OR7C1: variants seen among roughly 807,000 people sequenced by gnomAD.
OR7C1 encodes the protein olfactory receptor 7C1.
For missense variants in OR7C1, 324 were observed against 383.3 expected, an observed-to-expected ratio of 0.85 and a Z score of 1.29; for synonymous variants, 152 against 160.7, an observed-to-expected ratio of 0.95 and a Z score of 0.41.
chr19:14,821,426 C>G (rs2044740701), intron 1 of OR7C1: 1 of 152,172 alleles, frequency 6.6e-6, no homozygotes, highest in South Asian at 2.1e-4. Context: ...TACCTGTTCT[C>G]CCAACAGTGT....
chr19:14,834,197 G>A (rs2044861959), intron 1 of OR7C1, among the ~76,000 whole-genome samples: 2 of 152,180 alleles, frequency 1.3e-5, no homozygotes, highest in African/African-American at 4.8e-5. Flanking sequence ...AGGAGGTTGA[G>A]GCAGCAGTGA....
At chr19:14,818,886 C>A (rs2044728639) in intron 1 of OR7C1, among the ~76,000 whole-genome samples, 1 of 152,118 alleles carries the variant, frequency 6.6e-6, no homozygotes, top group African/African-American at 2.4e-5. Context: ...ATATGTATTT[C>A]CACCTTATTT....
At chr19:14,818,200 C>G (rs1481039886) in intron 1 of OR7C1, among the ~76,000 whole-genome samples, 1 of 151,948 alleles carries the variant, frequency 6.6e-6, no homozygotes, top group East Asian at 1.9e-4. Flanking sequence ...TCACGGCGTT[C>G]TCTTGCCTCA....
intron 1 of OR7C1, among the ~76,000 whole-genome samples, chr19:14,814,629 T>C (rs1253831496): frequency 6.6e-6 from 1 of 152,120 alleles, no homozygotes; most frequent in African/African-American, 2.4e-5. Flanking sequence ...TTCACCATGC[T>C]GGCCAGGCTG....
chr19:14,833,585 G>A (rs1328515700), intron 1 of OR7C1, among the ~76,000 whole-genome samples: 2 of 152,238 alleles, frequency 1.3e-5, no homozygotes, highest in Non-Finnish European at 2.9e-5. Flanking sequence ...GAAGTAAGAT[G>A]ATAGGTATAT....
At chr19:14,811,171 T>C (rs1026439990) in intron 1 of OR7C1, among the ~76,000 whole-genome samples, 10 of 152,026 alleles carry the variant, frequency 6.6e-5, no homozygotes, top group African/African-American at 2.4e-4. Flanking sequence ...CTGTGGCTGC[T>C]GTCACATGTA....
intron 1 of OR7C1, among the ~76,000 whole-genome samples, chr19:14,810,815 G>A (rs1277780903): frequency 1.3e-5 from 2 of 151,866 alleles, no homozygotes; most frequent in African/African-American, 2.4e-5. Context: ...TGCAGAGTTA[G>A]CGTTTTCTTG....
chr19:14,806,403 G>T (rs1207371711), intron 2 of OR7C1, among the ~76,000 whole-genome samples: 1 of 151,928 alleles, frequency 6.6e-6, no homozygotes, highest in East Asian at 1.9e-4. Flanking sequence ...TTAAGTTCCA[G>T]GATACATGTA....
In OR7C1 at chr19:14,803,420, C is replaced by T. The variant is rs532493706; in HGVS notation, c.-434-2656G>A. 2.6e-5 allele frequency among the ~76,000 whole-genome samples: 4 copies of T among 151,510 alleles called. No homozygotes were observed. The East Asian group carries it at 5.8e-4, about 22-fold the overall frequency. The stretch of plus-strand genomic sequence containing the variant: ...TTCTATTATGCAGATGGGGTCTTTG[C>T]GGGTCGCTGCCATGTTGTCTTCTCC... On this transcript the variant is annotated intron_variant, in intron 2 of 4. Transcript: ENST00000641666.
intron 1 of OR7C1, among the ~76,000 whole-genome samples, chr19:14,814,866 C>A (rs1027907016): frequency 6.6e-6 from 1 of 152,188 alleles, no homozygotes; most frequent in Non-Finnish European, 1.5e-5. Context: ...GTTCACTACA[C>A]AACAACCAAC....
At position 14,818,058 on chromosome 19, in the gene OR7C1, TTTATTTTA is replaced by T. The variant is rs797012372; in HGVS notation, c.-622-8073_-622-8066del. Among the ~76,000 whole-genome samples the T allele has an allele frequency of 1.4e-3, 99 of 72,392 alleles. No individual in the cohort carries two copies. In the East Asian group the frequency reaches 0.017, roughly 13 times the overall value. 47.5% of individuals were successfully genotyped at this position (72,392 alleles called of 152,430 possible). A position where few individuals can be genotyped will look rare whatever the true frequency, so the allele number is the denominator to read the frequency against. On this transcript the variant is annotated intron_variant, in intron 1 of 4. Coordinates refer to ENST00000641666, the Ensembl canonical transcript of OR7C1. Reference sequence around the variant, plus strand: ...AGCAGTTAATAAGTCATACATTTTATTTATTTTATTTATTTATTTATTTATTTATTTAT... The same window carrying T: ...AGCAGTTAATAAGTCATACATTTTATTTTATTTATTTATTTATTTATTTAT...
chr19:14,806,265 G>A (rs1365847371), intron 2 of OR7C1, among the ~76,000 whole-genome samples: 3 of 151,918 alleles, frequency 2.0e-5, no homozygotes, highest in African/African-American at 7.3e-5. Context: ...TGTGTTTTTG[G>A]ATTCCTTCAA....
In OR7C1 at chr19:14,799,277, G is replaced by A. The variant is rs141580217; in HGVS notation, c.860C>T (p.Pro287Leu). The change falls in exon 5 of 5, where the codon CCC becomes CTC. Residue 287 changes from proline to leucine, a missense_variant. Physicochemically the swap from Pro to Leu is moderately conservative, Grantham distance 98. Transcript: ENST00000641666. Reference sequence around the variant, plus strand: ...CGTGTTCCTCAGGCTGTAGATGAAGGGGTTCAGCATGGGGGTGACCATGGT... The same window carrying A: ...CGTGTTCCTCAGGCTGTAGATGAAGAGGTTCAGCATGGGGGTGACCATGGT... 9.3e-6 allele frequency: 15 copies of A among 1,613,960 alleles called. No homozygotes were observed. In the African/African-American group the frequency reaches 2.0e-4, roughly 22 times the overall value.
exon 5 of OR7C1, chr19:14,799,210 T>C (rs2044626060): frequency 6.2e-7 from 1 of 1,612,618 alleles, no homozygotes; most frequent in East Asian, 2.2e-5. Context: ...CATTAAAAAA[T>C]GTTGCCCTAC....
intron 1 of OR7C1, among the ~76,000 whole-genome samples, chr19:14,828,664 CA>C (rs2044799036): frequency 7.0e-6 from 1 of 142,198 alleles, no homozygotes. Flanking sequence ...GAGGCTGAGG[CA>C]AGGAGAATCT....
chr19:14,829,743 G>A (rs2044812569), intron 1 of OR7C1, among the ~76,000 whole-genome samples: 1 of 151,942 alleles, frequency 6.6e-6, no homozygotes. Flanking sequence ...TTTCCTTCTG[G>A]TGTCTTGGGT....
chr19:14,799,746 G>A lies in OR7C1; in HGVS notation c.391C>T (p.His131Tyr). ...TGGGGGTTCATGATGACCGTATAGT[G>A]CAGGGGGTGACAGACGGCCACGAAG... is the stretch of plus-strand genomic sequence containing the variant. Residue 131 changes from histidine to tyrosine, a missense_variant, in exon 5 of 5, where the codon CAC becomes TAC. His to Tyr is a moderately conservative substitution (Grantham distance 83). Transcript: ENST00000641666. 1.9e-6 allele frequency: 3 copies of A among 1,614,038 alleles called. No individual in the cohort carries two copies. In the South Asian group the frequency reaches 3.3e-5, roughly 18 times the overall value.
chr19:14,827,131 AG>A (rs1186815078), intron 1 of OR7C1: 1 of 691,364 alleles, frequency 1.4e-6, no homozygotes, highest in South Asian at 4.6e-5. Flanking sequence ...GCTTAATAAA[AG>A]GAGTTGCTTA....
chr19:14,807,358 G>C (rs933208682), intron 2 of OR7C1, among the ~76,000 whole-genome samples: 3 of 151,922 alleles, frequency 2.0e-5, no homozygotes, highest in African/African-American at 7.3e-5. Flanking sequence ...AAGTGGTCAT[G>C]TGTCCAGCTA....
Sources: gnomAD v4.1 joint callset for allele counts (sites outside exome capture counted in the v4.1 genomes callset) on GRCh38, gnomAD v4.1.1 for gene constraint, MANE v1.5 for transcripts, NCBI Gene and HGNC (gene_info 2026-07-23, HGNC 2026-07-21) for gene names.